The following SPDYE5 variants were observed in gnomAD, a reference collection of about 807,000 sequenced individuals.
SPDYE5 encodes speedy protein E5.
In SPDYE5, 15 loss-of-function variants were observed where a neutral mutation model predicts 48.5. The ratio of observed to expected loss-of-function variants is 0.31; its 90% confidence interval spans 0.21 to 0.48. The LOEUF is 0.48. Among genes scored for constraint, SPDYE5 ranks in the 20% least tolerant of loss-of-function variants. The pLI, the probability that SPDYE5 is intolerant of heterozygous loss-of-function variation, is 0.99. For synonymous variants in SPDYE5, 116 were observed against 200.7 expected, an observed-to-expected ratio of 0.58 and a Z score of 3.57; for missense variants, 331 against 549.1, an observed-to-expected ratio of 0.60 and a Z score of 3.97.
Position 75,503,962 on chromosome 7 carries a change from T to C in SPDYE5, c.*1175T>C, listed in dbSNP as rs1793237886. 6.6e-6 allele frequency: 1 copy of C among 152,036 alleles called. No individual in the cohort carries two copies. Among genetic ancestry groups the C allele is most frequent in the Non-Finnish European group, 1.5e-5 (1 of 67,994 alleles). The allele number at this position is 152,036 out of a possible 1,614,324, so 9.4% of individuals were successfully genotyped here. ...CTTTCCTTTTTAAGAGAGGATTCTT[T>C]TCATCCTAAATCTTTTACCTTTCAA... is the stretch of plus-strand genomic sequence containing the variant. On this transcript the variant is annotated 3_prime_UTR_variant, in exon 9 of 9. Transcript: ENST00000625065.
chr7:75,497,658 G>C (rs1265944169), intron 4 of SPDYE5, among the ~76,000 whole-genome samples: 1 of 144,462 alleles, frequency 6.9e-6, no homozygotes, highest in Non-Finnish European at 1.5e-5. Context: ...CTCTGCAGTG[G>C]TCCCTCCGTG....
upstream of SPDYE5, among the ~76,000 whole-genome samples, chr7:75,491,967 T>A (rs1158029308): frequency 7.2e-5 from 11 of 151,926 alleles, no homozygotes; most frequent in African/African-American, 2.2e-4. Context: ...TGTCTGCCTC[T>A]GCTTCTTAAA....
chr7:75,498,848 T>C (rs1345119421), intron 5 of SPDYE5, among the ~76,000 whole-genome samples: 1 of 151,578 alleles, frequency 6.6e-6, no homozygotes, highest in Admixed American at 6.6e-5. Flanking sequence ...TATGGGTCCT[T>C]TGGGATCTGA....
At chr7:75,498,925 A>T (rs2116615165) in intron 5 of SPDYE5, among the ~76,000 whole-genome samples, 1 of 151,454 alleles carries the variant, frequency 6.6e-6, no homozygotes, top group South Asian at 2.1e-4. Flanking sequence ...TCTTCAGGAC[A>T]GTTCTCTGCC....
At chr7:75,499,896 C>A (rs1318437256) in intron 6 of SPDYE5, among the ~76,000 whole-genome samples, 1 of 137,668 alleles carries the variant, frequency 7.3e-6, no homozygotes, top group African/African-American at 2.7e-5. Flanking sequence ...GAGGAGCGGA[C>A]ATGCCGCTTC....
At chr7:75,500,508 A>C (rs1309386345) in intron 6 of SPDYE5, among the ~76,000 whole-genome samples, 1 of 151,444 alleles carries the variant, frequency 6.6e-6, no homozygotes, top group Non-Finnish European at 1.5e-5. Flanking sequence ...TGTAGAAGGC[A>C]GGGTCCTGGC....
At position 75,494,080 on chromosome 7, in the gene SPDYE5, G is replaced by A. The variant is rs1421521340; in HGVS notation, c.33G>A (p.Arg11=). 1 of 1,534,236 alleles carries A rather than the reference G, an allele frequency of 6.5e-7. No homozygotes were observed. The highest frequency in any genetic ancestry group is 8.7e-7 in the Non-Finnish European group (1 of 1,146,634). ...GAACGGAGACTAGGTTCCGTAAGAG[G>A]GGACAGATTACGGAAAAGATCACGA... The part of the protein sequence containing the change: MDRTETRFRK[R]GQITEKITTS... Residue 11 remains arginine, a synonymous_variant, in exon 2 of 9, where the codon AGG becomes AGA. Coordinates refer to ENST00000625065, the MANE Select transcript of SPDYE5 (RefSeq NM_001306141.4).
At chr7:75,496,404 C>CAAAAAAAA (rs1175143877) in intron 3 of SPDYE5, among the ~76,000 whole-genome samples, 2 of 27,464 alleles carry the variant, frequency 7.3e-5, no homozygotes, top group Non-Finnish European at 1.3e-4. Flanking sequence ...ACAACAACAA[C>CAAAAAAAA]AAAAAAAAAA....
chr7:75,494,317 G>C (rs1318853139), intron 2 of SPDYE5, 110 bp downstream of exon 2: 5 of 1,441,132 alleles, frequency 3.5e-6, no homozygotes, highest in Non-Finnish European at 4.6e-6. Flanking sequence ...AGGCCGAGGC[G>C]GGCGGATCAC....
Position 75,494,073 on chromosome 7 carries a change from G to GT in SPDYE5, c.27dup (p.Lys10Ter). ...ATGGACAGAACGGAGACTAGGTTCC[G>GT]TAAGAGGGGACAGATTACGGAAAAG... is the stretch of plus-strand genomic sequence containing the variant. On this transcript the variant is annotated frameshift_variant, in exon 2 of 9. Coordinates refer to ENST00000625065, the MANE Select transcript of SPDYE5 (RefSeq NM_001306141.4). LOFTEE classifies it high-confidence loss of function. 6.5e-7 allele frequency: 1 copy of GT among 1,533,986 alleles called. No homozygotes were observed. The highest frequency in any genetic ancestry group is 1.2e-5 in the South Asian group (1 of 83,902).
Position 75,494,148 on chromosome 7 carries a change from G to T in SPDYE5, c.101G>T (p.Arg34Leu). 5 of 1,535,274 alleles carry T rather than the reference G, an allele frequency of 3.3e-6. No homozygotes were observed. The highest frequency in any genetic ancestry group is 4.4e-6 in the Non-Finnish European group (5 of 1,146,842). Residue 34 changes from arginine to leucine, a missense_variant, in exon 2 of 9, where the codon CGG becomes CTG. Transcript: ENST00000625065. Reference protein sequence around the residue: ...PQPQNEQSPQRSTSGYPLQEV... With the variant: ...PQPQNEQSPQLSTSGYPLQEV... ...CCCCAGAATGAGCAGAGTCCCCAGC[G>T]GAGCACCTCGGGGTACCCCCTCCAG...
intron 3 of SPDYE5, 128 bp downstream of exon 3, chr7:75,495,502 A>G (rs1792893049): frequency 4.6e-6 from 7 of 1,533,558 alleles, no homozygotes; most frequent in Middle Eastern, 2.3e-4. Flanking sequence ...AGGAGGACTC[A>G]GAAGTGATCA....
rs1554483814 is a variant in SPDYE5 at position 75,502,974 on chromosome 7, T to C, written c.*187T>C. 1.1e-4 allele frequency: 62 copies of C among 543,918 alleles called. No individual in the cohort carries two copies. Among genetic ancestry groups the C allele is most frequent in the South Asian group, 8.5e-4 (59 of 69,280 alleles). 33.7% of individuals were successfully genotyped at this position (543,918 alleles called of 1,614,324 possible). A position where few individuals can be genotyped will look rare whatever the true frequency, so the allele number is the denominator to read the frequency against. ...CCATTCTTGATGGAGCTGAATACAG[T>C]GATCACGTTGTCCTCCTAGGAGCAG... On this transcript the variant is annotated 3_prime_UTR_variant, in exon 9 of 9. Transcript: ENST00000625065.
chr7:75,496,575 C>G, intron 3 of SPDYE5, 99 bp from the exon 4 acceptor site: 3 of 1,558,238 alleles, frequency 1.9e-6, no homozygotes, highest in Non-Finnish European at 2.6e-6. Flanking sequence ...CAGCAGTCTG[C>G]GAGGCTGGGG....
chr7:75,492,672 C>A (rs1384051910), intron 1 of SPDYE5, among the ~76,000 whole-genome samples: 1 of 152,220 alleles, frequency 6.6e-6, no homozygotes, highest in African/African-American at 2.4e-5. Context: ...CTCCTGACGT[C>A]AAGTGATCCA....
intron 3 of SPDYE5, among the ~76,000 whole-genome samples, 180 bp from the exon 4 acceptor site, chr7:75,496,494 G>A (rs1275604509): frequency 2.1e-5 from 3 of 144,516 alleles, no homozygotes; most frequent in East Asian, 2.0e-4. Flanking sequence ...ACGGGAGAAT[G>A]GGGAGGAGAA....
intron 6 of SPDYE5, among the ~76,000 whole-genome samples, chr7:75,499,901 C>G (rs1376065045): frequency 7.1e-6 from 1 of 140,270 alleles, no homozygotes; most frequent in Non-Finnish European, 1.5e-5. Context: ...GCGGACATGC[C>G]GCTTCCTCCA....
At position 75,501,379 on chromosome 7, in the gene SPDYE5, T is replaced by G. The variant is rs587688003; in HGVS notation, c.773T>G (p.Met258Arg). The change falls in exon 7 of 9, where the codon ATG (methionine) becomes AGG (arginine). Residue 258 changes from methionine to arginine, a missense_variant. Physicochemically the swap from Met to Arg is moderately conservative, Grantham distance 91. This residue lies in a region of SPDYE5 where 70 missense variants were observed against 87.6 expected (regional missense o/e 0.80). Coordinates refer to ENST00000625065, the MANE Select transcript of SPDYE5 (RefSeq NM_001306141.4). ...FFLALYLAND[M>R]EEDDEDSKQN... ...GTCCTCAGCTACCTGGCCAATGACATGGAGGAGGACGACGAGGACTCCAAA... is the reference window on the plus strand; with the variant it reads ...GTCCTCAGCTACCTGGCCAATGACAGGGAGGAGGACGACGAGGACTCCAAA... 1.2e-6 allele frequency: 2 copies of G among 1,612,120 alleles called. No individual in the cohort carries two copies. The highest frequency in any genetic ancestry group is 1.7e-6 in the Non-Finnish European group (2 of 1,179,924).
intron 2 of SPDYE5, 135 bp downstream of exon 2, chr7:75,494,342 T>C (rs587642366): frequency 7.6e-6 from 10 of 1,320,120 alleles, no homozygotes; most frequent in Admixed American, 2.6e-5. Flanking sequence ...GGTCAGGAGT[T>C]CAAGGCCAGC....
Sources: gnomAD v4.1 joint callset for allele counts (sites outside exome capture counted in the v4.1 genomes callset) on GRCh38, gnomAD v4.1.1 for gene constraint, gnomAD v4.1.1 regional missense constraint, MANE v1.5 for transcripts, NCBI Gene and HGNC (gene_info 2026-07-23, HGNC 2026-07-21) for gene names.